PIGG: variants seen among roughly 807,000 people sequenced by gnomAD.
The protein encoded by PIGG is phosphatidylinositol glycan anchor biosynthesis class G (EMM blood group), also known as GPI ethanolamine phosphate transferase 2, catalytic subunit.
Under a neutral mutation model 83.2 loss-of-function variants are expected in PIGG, and 70 were observed. The observed-to-expected ratio is 0.84, with a 90% CI of 0.69 to 1.03. PIGG has a LOEUF of 1.03. Among genes scored for constraint, PIGG ranks in the 50% least tolerant of loss-of-function variants. PIGG has a pLI of 0.00. For missense variants in PIGG, 1,257 were observed against 1,233.6 expected (o/e 1.02, Z -0.28); for synonymous variants, 532 against 519.5 (o/e 1.02, Z -0.33).
intron 12 of PIGG, chr4:537,351 C>T (rs559475187): frequency 1.3e-5 from 2 of 152,222 alleles, no homozygotes; most frequent in South Asian, 2.1e-4. Context: ...AACAGCAAGC[C>T]GCCATCTTCT....
At chr4:535,927 G>A (rs993769239) in intron 12 of PIGG, among the ~76,000 whole-genome samples, 3 of 152,166 alleles carry the variant, frequency 2.0e-5, no homozygotes, top group Non-Finnish European at 4.4e-5. Context: ...GCCCCCTGTC[G>A]ACATTCCGCA....
At chr4:508,098 T>C (rs1720488536) in intron 4 of PIGG, among the ~76,000 whole-genome samples, 1 of 152,218 alleles carries the variant, frequency 6.6e-6, no homozygotes, top group South Asian at 2.1e-4. Context: ...AAACAGTCGA[T>C]AATCCCTCGT....
At chr4:531,364 C>CA (rs1729027853) in intron 11 of PIGG, 1 of 142,752 alleles carries the variant, frequency 7.0e-6, no homozygotes, top group Non-Finnish European at 1.6e-5. Context: ...GGAGAGCAGG[C>CA]ACAGCCCTGC....
intron 12 of PIGG, among the ~76,000 whole-genome samples, chr4:536,076 T>C (rs1488598635): frequency 6.6e-6 from 1 of 152,118 alleles, no homozygotes; most frequent in Admixed American, 6.5e-5. Flanking sequence ...TCACGTCCTG[T>C]GTTGAGGCTC....
chr4:528,196 A>G lies in PIGG; in HGVS notation c.2261+966A>G. The G allele has an allele frequency of 2.0e-6, 2 of 984,446 alleles. No individual in the cohort carries two copies. The highest frequency in any genetic ancestry group is 2.4e-6 in the Non-Finnish European group (2 of 829,698). 61.0% of individuals were successfully genotyped at this position (984,446 alleles called of 1,614,324 possible). On this transcript the variant is annotated intron_variant, in intron 10 of 12. Transcript: ENST00000453061. This position sits in a 1 kb window ranked among gnomAD's most constrained non-coding sequence, Gnocchi z 4.8. ...AGAACAGAGAAGCATGTTGTGGAAC[A>G]GGTATGACCCCAGCTTACTAATTGT...
chr4:530,792 A>C (rs776139091), intron 11 of PIGG, 47 bp downstream of exon 11: 1 of 1,275,632 alleles, frequency 7.8e-7, no homozygotes, highest in East Asian at 2.3e-5. Context: ...TGTTTTACAT[A>C]TTTATTTTAA....
At chr4:523,056 G>A (rs1205512379) in intron 8 of PIGG, among the ~76,000 whole-genome samples, 1 of 152,184 alleles carries the variant, frequency 6.6e-6, no homozygotes, top group African/African-American at 2.4e-5. Flanking sequence ...GAAGACCTAA[G>A]CTCTTCCAGA....
At chr4:507,068 T>G (rs1553879887) in intron 3 of PIGG, among the ~76,000 whole-genome samples, 1 of 152,192 alleles carries the variant, frequency 6.6e-6, no homozygotes, top group Non-Finnish European at 1.5e-5. Context: ...CCCAGAAACA[T>G]AAAAACAATA....
At chr4:530,856 A>AT in intron 11 of PIGG, 111 bp downstream of exon 11, 2 of 752,036 alleles carry the variant, frequency 2.7e-6, no homozygotes, top group Non-Finnish European at 4.5e-6. Flanking sequence ...TCAGTGTGGC[A>AT]TGGTGAATTA....
intron 5 of PIGG, among the ~76,000 whole-genome samples, chr4:513,822 G>C (rs993276805): frequency 1.3e-5 from 2 of 152,144 alleles, no homozygotes; most frequent in Non-Finnish European, 2.9e-5. Context: ...TATTAAAATA[G>C]TTTGTGCAGG....
At chr4:530,996 T>C in intron 11 of PIGG, 1 of 490,364 alleles carries the variant, frequency 2.0e-6, no homozygotes, top group East Asian at 3.4e-5. Context: ...GGTTTATTTA[T>C]TACAAGCAGT....
chr4:534,411 G>A (rs762294138), intron 12 of PIGG, among the ~76,000 whole-genome samples: 23 of 152,238 alleles, frequency 1.5e-4, no homozygotes, highest in Non-Finnish European at 2.8e-4. Flanking sequence ...CTGCTGGAGC[G>A]CGCAGGACCC....
chr4:509,069 G>A (rs566049012), intron 5 of PIGG, 99 bp downstream of exon 5: 4 of 972,030 alleles, frequency 4.1e-6, no homozygotes, highest in Admixed American at 5.3e-5. Context: ...AGCTCCATAA[G>A]GTTGAAGTCC....
intron 12 of PIGG, among the ~76,000 whole-genome samples, chr4:537,741 A>C (rs1263273559): frequency 6.6e-6 from 1 of 152,022 alleles, no homozygotes; most frequent in Non-Finnish European, 1.5e-5. Context: ...GCTGAGGTGA[A>C]GGAGTGTTTG....
chr4:517,202 G>T (rs745996286), intron 6 of PIGG, among the ~76,000 whole-genome samples: 1 of 152,162 alleles, frequency 6.6e-6, no homozygotes, highest in Middle Eastern at 3.2e-3. Context: ...AGGCGCCCTC[G>T]TGGAGGATTC....
chr4:535,825 G>T (rs1258938690), intron 12 of PIGG, among the ~76,000 whole-genome samples: 1 of 152,266 alleles, frequency 6.6e-6, no homozygotes, highest in Middle Eastern at 3.4e-3. Context: ...GCTCCACGCA[G>T]GTCCTCTCCC....
At position 533,989 on chromosome 4, in the gene PIGG, G is replaced by A. The variant is rs570031261; in HGVS notation, c.2735+8G>A. On this transcript the variant is annotated splice_region_variant and intron_variant, in intron 12 of 12. Coordinates refer to ENST00000453061, the MANE Select transcript of PIGG (RefSeq NM_001127178.3). ...GAGCTCAGAAACACGCAGGTGAGGCGCCTCTCTGCCGTCAGCACAGTTCTG... is the reference window on the plus strand; with the variant it reads ...GAGCTCAGAAACACGCAGGTGAGGCACCTCTCTGCCGTCAGCACAGTTCTG... The A allele has an allele frequency of 1.1e-5, 17 of 1,613,298 alleles. No individual in the cohort carries two copies. The highest frequency in any genetic ancestry group is 1.3e-5 in the African/African-American group (1 of 75,048).
chr4:506,347 C>T, intron 3 of PIGG, among the ~76,000 whole-genome samples: 1 of 152,224 alleles, frequency 6.6e-6, no homozygotes, highest in Non-Finnish European at 1.5e-5. Flanking sequence ...TCATCGTGCC[C>T]TGAGGGCAGG....
chr4:525,427 A>C (rs1727308992), intron 9 of PIGG: 2 of 845,412 alleles, frequency 2.4e-6, no homozygotes, highest in Non-Finnish European at 2.8e-6. Flanking sequence ...CGGTCCCGTC[A>C]CTGCAGAGAA....
Sources: gnomAD v4.1 joint callset for allele counts (sites outside exome capture counted in the v4.1 genomes callset) on GRCh38, gnomAD v4.1.1 for gene constraint, Gnocchi (gnomAD v3.1) non-coding constraint, MANE v1.5 for transcripts, NCBI Gene and HGNC (gene_info 2026-07-23, HGNC 2026-07-21) for gene names.